The following DHTKD1 variants were observed in gnomAD, a reference collection of about 807,000 sequenced individuals.
DHTKD1 encodes the protein dehydrogenase E1 and transketolase domain containing 1, also known as 2-oxoadipate dehydrogenase complex component E1.
DHTKD1 carries 78 observed loss-of-function variants against 101.8 expected under a neutral mutation model. The observed-to-expected ratio is 0.77, with a 90% CI of 0.64 to 0.93. DHTKD1 has a LOEUF of 0.93. DHTKD1 is among the 40% of genes least tolerant of loss of function. DHTKD1 has a pLI of 0.00. For missense variants in DHTKD1, 1,223 were observed against 1,161.7 expected, an observed-to-expected ratio of 1.05 and a Z score of -0.77; for synonymous variants, 462 against 450.3, an observed-to-expected ratio of 1.03 and a Z score of -0.33.
In DHTKD1 at chr10:12,107,435, T is replaced by G. The variant is rs1833266938; in HGVS notation, c.2048-474T>G. On this transcript the variant is annotated intron_variant, in intron 11 of 16. Transcript: ENST00000263035. This position sits in a 1 kb window ranked among gnomAD's most constrained non-coding sequence, Gnocchi z 4.1. ...CGTGATAGGTTATGGCTTTCTTTTT[T>G]GAGACGGTGTCTCACTCTGTCCCTC... Among the ~76,000 whole-genome samples the G allele has an allele frequency of 6.6e-6, 1 of 152,104 alleles. No homozygotes were observed. The highest frequency in any genetic ancestry group is 2.4e-5 in the African/African-American group (1 of 41,418).
chr10:12,107,238 A>G lies in DHTKD1; in HGVS notation c.2048-671A>G, dbSNP rs12413611. ...CCTGACCTCATGATCCACCCACCTC[A>G]GCCTCCCAAAGTGGTGGGATTACGG... is the stretch of plus-strand genomic sequence containing the variant. On this transcript the variant is annotated intron_variant, in intron 11 of 16. Transcript: ENST00000263035. The surrounding 1 kb of genome is among the most constrained non-coding windows in gnomAD (Gnocchi z 4.1). 0.072 allele frequency among the ~76,000 whole-genome samples: 10,983 copies of G among 151,846 alleles called. 469 individuals carry two copies. Among genetic ancestry groups the G allele is most frequent in the Non-Finnish European group, 0.1 (6,989 of 67,890 alleles).
intron 1 of DHTKD1, among the ~76,000 whole-genome samples, chr10:12,074,036 C>T (rs2131346173): frequency 6.6e-6 from 1 of 152,300 alleles, no homozygotes; most frequent in East Asian, 1.9e-4. Context: ...CGGACTTAAA[C>T]ATCAAATCTA....
At chr10:12,090,175 A>G (rs926653062) in intron 5 of DHTKD1, among the ~76,000 whole-genome samples, 7 of 152,200 alleles carry the variant, frequency 4.6e-5, no homozygotes, top group African/African-American at 1.4e-4. Flanking sequence ...ACAGGAGATC[A>G]TGAAACCTGG....
chr10:12,094,090 G>A lies in DHTKD1; in HGVS notation c.1177G>A (p.Ala393Thr). 6.2e-7 allele frequency: 1 copy of A among 1,613,978 alleles called. No individual in the cohort carries two copies. The highest frequency in any genetic ancestry group is 8.5e-7 in the Non-Finnish European group (1 of 1,179,960). ...CSDIGKLVGC[A>T]IIHVNGDSPE... ...TCCTTCAGGGAAGCTTGTGGGCTGT[G>A]CCATCATCCATGTCAATGGAGACAG... The change falls in exon 7 of 17, where the codon GCC (alanine) becomes ACC (threonine). Residue 393 changes from alanine (A) to threonine (T), a missense_variant. Transcript: ENST00000263035.
At chr10:12,069,948 G>A (rs538995479) in intron 1 of DHTKD1, among the ~76,000 whole-genome samples, 2 of 152,008 alleles carry the variant, frequency 1.3e-5, no homozygotes, top group South Asian at 2.1e-4. Flanking sequence ...GTGAGCAGGT[G>A]GGGGGGTCCA....
intron 12 of DHTKD1, among the ~76,000 whole-genome samples, chr10:12,109,645 C>T (rs1447633094): frequency 6.6e-6 from 1 of 151,806 alleles, no homozygotes; most frequent in Non-Finnish European, 1.5e-5. Context: ...TCTTAGAAAG[C>T]AAGCGAAGGA....
rs57815181 is a variant in DHTKD1, at chr10:12,100,287, G to GTTTT, written c.1756+36_1756+39dup. ...GGTAAGAATTTTCTTTTTTTTTTCT[G>GTTTT]TTTTTTTTTTTTTTGAGTCTCACCC... On this transcript the variant is annotated intron_variant, in intron 9 of 16. Coordinates refer to ENST00000263035, the MANE Select transcript of DHTKD1 (RefSeq NM_018706.7). 1,104 of 271,862 alleles carry GTTTT rather than the reference G, an allele frequency of 4.1e-3. 175 individuals are homozygous for GTTTT. The highest frequency in any genetic ancestry group is 9.9e-3 in the East Asian group (122 of 12,310). The allele number at this position is 271,862 out of a possible 1,614,324, so 16.8% of individuals were successfully genotyped here. A position where few individuals can be genotyped will look rare whatever the true frequency, so the allele number is the denominator to read the frequency against.
At chr10:12,119,456 A>T (rs112129196) in intron 15 of DHTKD1, among the ~76,000 whole-genome samples, 159 of 149,084 alleles carry the variant, frequency 1.1e-3, no homozygotes, top group African/African-American at 3.8e-3. Context: ...TCTACTGAAA[A>T]TACAAAAAAA....
At chr10:12,120,426 C>T (rs570462917) in intron 16 of DHTKD1, 159 bp downstream of exon 16, 256 of 595,256 alleles carry the variant, frequency 4.3e-4, no homozygotes, top group Non-Finnish European at 6.5e-4. Context: ...CTCCGCCCCC[C>T]GGGTTCACGC....
chr10:12,112,831 G>A (rs1326613480), intron 12 of DHTKD1, 69 bp from the exon 13 acceptor site: 7 of 1,466,672 alleles, frequency 4.8e-6, no homozygotes, highest in Non-Finnish European at 5.5e-6. Flanking sequence ...CCTTTGGCCA[G>A]CCCATTGTCA....
chr10:12,106,154 C>T (rs1833243576), intron 10 of DHTKD1, 92 bp from the exon 11 acceptor site: 5 of 1,336,850 alleles, frequency 3.7e-6, no homozygotes, highest in Non-Finnish European at 5.3e-6. Context: ...AAGGCTCCCT[C>T]TCCGCACCAC....
chr10:12,074,481 A>G (rs1832695120), intron 1 of DHTKD1, among the ~76,000 whole-genome samples: 1 of 151,424 alleles, frequency 6.6e-6, no homozygotes, highest in Non-Finnish European at 1.5e-5. Flanking sequence ...TCAGCCTCCC[A>G]TGTAGCCAAG....
chr10:12,095,548 T>A (rs7068532), intron 7 of DHTKD1, among the ~76,000 whole-genome samples: 24,385 of 151,560 alleles, frequency 0.16, 2,321 homozygotes, highest in African/African-American at 0.28. Context: ...GCGCGGTGGC[T>A]CACGCCTGTA....
In DHTKD1 at chr10:12,110,073, C is replaced by T. The variant is rs1039900169; in HGVS notation, c.2154+2058C>T. ...CAGCACTTTGGGAGGCCGAGGCGGG[C>T]GGATCATGAGGTCAGGAGATGAAGA... On this transcript the variant is annotated intron_variant, in intron 12 of 16. Transcript: ENST00000263035. This position sits in a 1 kb window ranked among gnomAD's most constrained non-coding sequence, Gnocchi z 4.9. Among the ~76,000 whole-genome samples, 1 of 151,822 alleles carries T rather than the reference C, an allele frequency of 6.6e-6. No homozygotes were observed. The highest frequency in any genetic ancestry group is 6.6e-5 in the Admixed American group (1 of 15,224).
chr10:12,093,219 T>C (rs1833018539), intron 6 of DHTKD1, among the ~76,000 whole-genome samples: 1 of 152,072 alleles, frequency 6.6e-6, no homozygotes, highest in Non-Finnish European at 1.5e-5. Flanking sequence ...AAATTTTGTG[T>C]TTTTAGTAGA....
At chr10:12,116,835 G>A (rs1338660246) in intron 13 of DHTKD1, among the ~76,000 whole-genome samples, 2 of 151,744 alleles carry the variant, frequency 1.3e-5, no homozygotes, top group African/African-American at 2.4e-5. Context: ...GAGTAGCTGG[G>A]ACTACAGGCA....
At chr10:12,104,372 T>A (rs775893831) in intron 10 of DHTKD1, among the ~76,000 whole-genome samples, 9 of 152,060 alleles carry the variant, frequency 5.9e-5, no homozygotes, top group Non-Finnish European at 1.3e-4. Context: ...AGAGACAGGG[T>A]CTCGCCACAT....
At chr10:12,108,295 T>C (rs2131621194) in intron 12 of DHTKD1, among the ~76,000 whole-genome samples, 1 of 152,276 alleles carries the variant, frequency 6.6e-6, no homozygotes, top group Non-Finnish European at 1.5e-5. Flanking sequence ...TTTATTTTTT[T>C]TTGAGATGGG....
At chr10:12,095,995 C>T (rs907055298) in intron 7 of DHTKD1, among the ~76,000 whole-genome samples, 1 of 151,912 alleles carries the variant, frequency 6.6e-6, no homozygotes. Context: ...GGCGACAGAG[C>T]GAGACTCGGT....
Sources: gnomAD v4.1 joint callset for allele counts (sites outside exome capture counted in the v4.1 genomes callset) on GRCh38, gnomAD v4.1.1 for gene constraint, Gnocchi (gnomAD v3.1) non-coding constraint, MANE v1.5 for transcripts, NCBI Gene and HGNC (gene_info 2026-07-23, HGNC 2026-07-21) for gene names.